The following SARDH variants were observed in gnomAD, a reference collection of about 807,000 sequenced individuals.
SARDH encodes sarcosine dehydrogenase, also known as sarcosine dehydrogenase, mitochondrial.
Under a neutral mutation model 109.1 loss-of-function variants are expected in SARDH, and 95 were observed. That is an observed-to-expected ratio of 0.87 (90% CI 0.74 to 1.03). The LOEUF is 1.03. Among genes scored for constraint, SARDH ranks in the 50% least tolerant of loss-of-function variants. The pLI, the probability that SARDH is intolerant of heterozygous loss-of-function variation, is 0.00. For missense variants in SARDH, 1,267 were observed against 1,287.8 expected (o/e 0.98, Z 0.25); for synonymous variants, 572 against 534.8 (o/e 1.07, Z -0.96).
chr9:133,683,741 A>G (rs1830781294), intron 17 of SARDH, among the ~76,000 whole-genome samples: 2 of 152,192 alleles, frequency 1.3e-5, no homozygotes, highest in Admixed American at 1.3e-4. Flanking sequence ...TTATCTGCTA[A>G]CAGAACCCAG....
chr9:133,712,871 C>A lies in SARDH; in HGVS notation c.1238-162G>T, dbSNP rs965216233. ...TGATTGGACTGCTGCTGGACTGGAC[C>A]CTGGCACAGGTGCACTCTCTGGGAA... On this transcript the variant is annotated intron_variant, in intron 9 of 20. Coordinates refer to ENST00000439388, the MANE Select transcript of SARDH (RefSeq NM_001134707.2). The surrounding 1 kb of genome is among the most constrained non-coding windows in gnomAD (Gnocchi z 4.1). 9.7e-6 allele frequency: 9 copies of A among 930,252 alleles called. No individual in the cohort carries two copies. The highest frequency in any genetic ancestry group is 4.2e-5 in the Admixed American group (2 of 47,088). The allele number at this position is 930,252 out of a possible 1,614,324, so 57.6% of individuals were successfully genotyped here. A position where few individuals can be genotyped will look rare whatever the true frequency, so the allele number is the denominator to read the frequency against.
At chr9:133,720,682 T>A (rs1345247353) in intron 6 of SARDH, among the ~76,000 whole-genome samples, 1 of 152,148 alleles carries the variant, frequency 6.6e-6, no homozygotes, top group Non-Finnish European at 1.5e-5. Context: ...ACTCCCTTTA[T>A]AAAACCATCA....
downstream of SARDH, among the ~76,000 whole-genome samples, chr9:133,662,096 C>T (rs1428049850): frequency 4.0e-5 from 6 of 151,792 alleles, no homozygotes; most frequent in Non-Finnish European, 7.4e-5. The surrounding 1 kb of genome is among the most constrained non-coding windows in gnomAD (Gnocchi z 5.1). Context: ...GTGCCCTCCC[C>T]GAGGGGCCAG....
At chr9:133,725,379 G>A (rs2131487026) in intron 6 of SARDH, 1 of 270,702 alleles carries the variant, frequency 3.7e-6, no homozygotes, top group South Asian at 3.3e-5. Context: ...TATTAACAAT[G>A]TTTACATAAT....
intron 2 of SARDH, among the ~76,000 whole-genome samples, chr9:133,733,350 T>C (rs572568660): frequency 6.6e-6 from 1 of 152,290 alleles, no homozygotes; most frequent in African/African-American, 2.4e-5. Context: ...ATGGCTGAAA[T>C]GGTGAAGGCA....
chr9:133,697,218 C>G (rs1831317803), intron 13 of SARDH, among the ~76,000 whole-genome samples: 1 of 152,148 alleles, frequency 6.6e-6, no homozygotes, highest in Non-Finnish European at 1.5e-5. Context: ...TAGAAACACA[C>G]AAATTACTGA....
At chr9:133,714,425 G>A (rs375414272) in intron 8 of SARDH, among the ~76,000 whole-genome samples, 1 of 152,194 alleles carries the variant, frequency 6.6e-6, no homozygotes, top group African/African-American at 2.4e-5. Flanking sequence ...GGCAGAGGCC[G>A]GAGCAGCCAT....
chr9:133,716,584 G>A (rs1315205105), intron 8 of SARDH, among the ~76,000 whole-genome samples: 2 of 151,386 alleles, frequency 1.3e-5, no homozygotes, highest in Non-Finnish European at 3.0e-5. Flanking sequence ...CCCGCCCCCT[G>A]GGGCAGAGCC....
downstream of SARDH, among the ~76,000 whole-genome samples, chr9:133,661,692 G>T (rs1055886525): frequency 3.3e-5 from 5 of 151,994 alleles, no homozygotes; most frequent in African/African-American, 1.2e-4. Context: ...TATTGGTCAG[G>T]CTGGTCTCAA....
intron 6 of SARDH, among the ~76,000 whole-genome samples, chr9:133,723,739 G>T (rs1318091957): frequency 6.6e-6 from 1 of 152,132 alleles, no homozygotes; most frequent in East Asian, 1.9e-4. Context: ...CTCCAGCCTG[G>T]GCAAAAGAGC....
chr9:133,696,305 G>C lies in SARDH; in HGVS notation c.1725C>G (p.Tyr575Ter). The C allele has an allele frequency of 6.2e-7, 1 of 1,614,178 alleles. No individual in the cohort carries two copies. The highest frequency in any genetic ancestry group is 8.5e-7 in the Non-Finnish European group (1 of 1,180,038). Residue 575 changes from tyrosine (Y) to a stop codon, truncating the protein, a stop_gained, in exon 14 of 21, where the codon TAC becomes TAG. Coordinates refer to ENST00000439388, the MANE Select transcript of SARDH (RefSeq NM_001134707.2). LOFTEE classifies it high-confidence loss of function. ...RGAAAVFDMSYFGKFYLVGLD... is the reference protein window; with the variant it reads ...RGAAAVFDMS Reference sequence around the variant, plus strand: ...GCCCCACCAGGTAGAACTTCCCGAAGTAGGACATGTCAAACACAGCGGCGG... The same window carrying C: ...GCCCCACCAGGTAGAACTTCCCGAACTAGGACATGTCAAACACAGCGGCGG...
At chr9:133,717,281 A>G (rs370340466) in intron 8 of SARDH, 45 bp downstream of exon 8, 1 of 1,609,416 alleles carries the variant, frequency 6.2e-7, no homozygotes, top group Non-Finnish European at 8.5e-7. Flanking sequence ...TCATCAGACC[A>G]AAGGACCCAT....
downstream of SARDH, among the ~76,000 whole-genome samples, chr9:133,660,265 G>T (rs1014070814): frequency 1.3e-5 from 2 of 152,120 alleles, no homozygotes; most frequent in South Asian, 2.1e-4. Context: ...AAGCCATGTA[G>T]TTTCTGTTTC....
chr9:133,666,747 G>A lies in SARDH; in HGVS notation c.2619C>T (p.Pro873=), dbSNP rs1399695340. The A allele has an allele frequency of 1.3e-6, 2 of 1,594,712 alleles. No homozygotes were observed. The highest frequency in any genetic ancestry group is 1.7e-6 in the Non-Finnish European group (2 of 1,170,968). Residue 873 remains proline (P), a synonymous_variant, in exon 20 of 21, where the codon CCC becomes CCT. Transcript: ENST00000439388. The surrounding 1 kb of genome is among the most constrained non-coding windows in gnomAD (Gnocchi z 5.2). The part of the protein sequence containing the change: ...KTIAYGYIHD[P]SGGPVSLDFV... The stretch of plus-strand genomic sequence containing the variant: ...GAAGGGGACTCACCGGCCCACCGCT[G>A]GGGTCATGGATGTAACCGTAGGCGA...
chr9:133,729,713 A>T lies in SARDH; in HGVS notation c.915+52T>A, dbSNP rs368289272. 6,245 of 1,510,050 alleles carry T rather than the reference A, an allele frequency of 4.1e-3. 272 individuals carry two copies. The South Asian group carries it at 0.069, about 17-fold the overall frequency. 93.5% of individuals were successfully genotyped at this position (1,510,050 alleles called of 1,614,324 possible). A position where few individuals can be genotyped will look rare whatever the true frequency, so the allele number is the denominator to read the frequency against. ...TGGGTTCAAGCTGGGATTCAGAGCCAGGTCTCTGTGCCCCCCACAGACTGA... is the reference window on the plus strand; with the variant it reads ...TGGGTTCAAGCTGGGATTCAGAGCCTGGTCTCTGTGCCCCCCACAGACTGA... On this transcript the variant is annotated intron_variant, in intron 6 of 20. Transcript: ENST00000439388.
rs1416662410 is a variant in SARDH, at chr9:133,708,360, T to C, written c.1397A>G (p.Lys466Arg). ...GTGGGGGAAGACGACGGAGTAGTTCTTGGCGTAGGACTCATGGCTTCGCTC... is the reference window on the plus strand; with the variant it reads ...GTGGGGGAAGACGACGGAGTAGTTCCTGGCGTAGGACTCATGGCTTCGCTC... The part of the protein sequence containing the change: ...IRERSHESYA[K>R]NYSVVFPHDE... The change falls in exon 11 of 21, where the codon AAG (lysine) becomes AGG (arginine). Residue 466 changes from lysine to arginine, a missense_variant. Lys to Arg is a conservative substitution (Grantham distance 26). Transcript: ENST00000439388. 6.2e-7 allele frequency: 1 copy of C among 1,613,374 alleles called. No individual in the cohort carries two copies. Among genetic ancestry groups the C allele is most frequent in the Admixed American group, 1.7e-5 (1 of 60,014 alleles).
intron 16 of SARDH, among the ~76,000 whole-genome samples, chr9:133,688,850 A>G (rs1177226847): frequency 6.6e-6 from 1 of 152,176 alleles, no homozygotes; most frequent in African/African-American, 2.4e-5. Context: ...CTCAAGTCAA[A>G]CACTTGGCAG....
chr9:133,664,019 G>A lies in SARDH; in HGVS notation c.2632-5C>T. The A allele has an allele frequency of 1.2e-6, 2 of 1,613,916 alleles. No individual in the cohort carries two copies. On this transcript the variant is annotated splice_region_variant and splice_polypyrimidine_tract_variant and intron_variant, in intron 20 of 20. Coordinates refer to ENST00000439388, the MANE Select transcript of SARDH (RefSeq NM_001134707.2). ...CTTCACAAAGTCCAGCGAGACCTAGGAGCAGAGGTGGGGATGAGGATCACT... is the reference window on the plus strand; with the variant it reads ...CTTCACAAAGTCCAGCGAGACCTAGAAGCAGAGGTGGGGATGAGGATCACT...
Position 133,685,211 on chromosome 9 carries a change from CAGT to C in SARDH, c.2142_2144del (p.Leu715del). The C allele has an allele frequency of 6.2e-7, 1 of 1,613,914 alleles. No homozygotes were observed. Among genetic ancestry groups the C allele is most frequent in the Non-Finnish European group, 8.5e-7 (1 of 1,179,926 alleles). On this transcript the variant is annotated inframe_deletion, in exon 17 of 21. Coordinates refer to ENST00000439388, the MANE Select transcript of SARDH (RefSeq NM_001134707.2). ...AACCTACCAGGTGCCCTGCGGCTCTCAGTAGCTTGTGGGTGGAGAACGGGAAGG... is the reference window on the plus strand; with the variant it reads ...AACCTACCAGGTGCCCTGCGGCTCTCAGCTTGTGGGTGGAGAACGGGAAGG...
Sources: gnomAD v4.1 joint callset for allele counts (sites outside exome capture counted in the v4.1 genomes callset) on GRCh38, gnomAD v4.1.1 for gene constraint, Gnocchi (gnomAD v3.1) non-coding constraint, MANE v1.5 for transcripts, NCBI Gene and HGNC (gene_info 2026-07-23, HGNC 2026-07-21) for gene names.